MALRD1: variants seen among roughly 807,000 people sequenced by gnomAD.
MALRD1 encodes MAM and LDL-receptor class A domain-containing protein 1.
Under a neutral mutation model 242.1 loss-of-function variants are expected in MALRD1, and 247 were observed. The ratio of observed to expected loss-of-function variants is 1.02; its 90% CI spans 0.92 to 1.13. MALRD1 has a LOEUF of 1.13. Among genes scored for constraint, MALRD1 ranks in the 50% most tolerant of loss-of-function variants. The pLI is 0.00. For missense variants in MALRD1, 2,989 were observed against 2,533.1 expected, an observed-to-expected ratio of 1.18 and a Z score of -3.86; for synonymous variants, 995 against 866.6, an observed-to-expected ratio of 1.15 and a Z score of -2.60.
intron 24 of MALRD1, among the ~76,000 whole-genome samples, chr10:19,344,952 G>A (rs1410973716): frequency 6.6e-6 from 1 of 152,106 alleles, no homozygotes; most frequent in African/African-American, 2.4e-5. Context: ...TTGTCTTCCT[G>A]ATGGCACAGG....
chr10:19,181,442 T>G (rs1247774011), intron 14 of MALRD1, among the ~76,000 whole-genome samples: 1 of 152,124 alleles, frequency 6.6e-6, no homozygotes. Context: ...TGCTATGAAA[T>G]AAGCCAAACA....
At chr10:19,282,561 C>T (rs976568488) in intron 20 of MALRD1, among the ~76,000 whole-genome samples, 1 of 152,036 alleles carries the variant, frequency 6.6e-6, no homozygotes, top group African/African-American at 2.4e-5. Flanking sequence ...AAAATTATTA[C>T]AAGAATCTGT....
intron 28 of MALRD1, among the ~76,000 whole-genome samples, chr10:19,411,100 A>C (rs1472127363): frequency 6.6e-6 from 1 of 152,220 alleles, no homozygotes; most frequent in Non-Finnish European, 1.5e-5. Flanking sequence ...CCATTCTCTT[A>C]GGCAGCAGTA....
chr10:19,633,250 C>CAG (rs746264616), intron 36 of MALRD1, among the ~76,000 whole-genome samples: 8 of 151,778 alleles, frequency 5.3e-5, no homozygotes, highest in South Asian at 2.1e-4. Flanking sequence ...AAAAGAGAGA[C>CAG]AGAGAGAGAG....
chr10:19,241,530 T>A (rs1344477755), intron 18 of MALRD1, among the ~76,000 whole-genome samples: 1 of 152,136 alleles, frequency 6.6e-6, no homozygotes, highest in African/African-American at 2.4e-5. Context: ...TTTTGAAATA[T>A]TTTTTAGTGT....
intron 29 of MALRD1, among the ~76,000 whole-genome samples, chr10:19,470,064 T>C (rs7919278): frequency 0.86 from 130,753 of 151,740 alleles, 56,500 homozygotes; most frequent in East Asian, 1. Context: ...CTTATTTATC[T>C]TGCATAACTG....
chr10:19,536,214 A>G (rs1041141340), intron 32 of MALRD1, among the ~76,000 whole-genome samples: 1 of 152,096 alleles, frequency 6.6e-6, no homozygotes, highest in African/African-American at 2.4e-5. Context: ...AGAGAAGACA[A>G]GCCTTCCTCC....
intron 24 of MALRD1, among the ~76,000 whole-genome samples, chr10:19,345,591 A>G (rs1349534927): frequency 6.6e-6 from 1 of 152,170 alleles, no homozygotes; most frequent in Admixed American, 6.6e-5. Flanking sequence ...ATTTCAAATG[A>G]CATTTGAAAA....
chr10:19,583,138 T>C (rs1837215379), intron 33 of MALRD1, among the ~76,000 whole-genome samples: 1 of 127,126 alleles, frequency 7.9e-6, no homozygotes, highest in Admixed American at 7.9e-5. Context: ...GACGATGGGG[T>C]TTTCTAGATA....
chr10:19,253,581 C>T (rs1041103211), intron 18 of MALRD1, among the ~76,000 whole-genome samples: 8 of 151,922 alleles, frequency 5.3e-5, no homozygotes, highest in Non-Finnish European at 2.9e-5. Context: ...TCTGTATACA[C>T]ATCTTTCACA....
At chr10:19,480,829 CT>C (rs750488529) in intron 29 of MALRD1, among the ~76,000 whole-genome samples, 1 of 151,674 alleles carries the variant, frequency 6.6e-6, no homozygotes, top group African/African-American at 2.4e-5. Flanking sequence ...TCTAAACAGG[CT>C]TTTTTTTGGC....
chr10:19,468,141 G>C (rs1247426980), intron 29 of MALRD1, among the ~76,000 whole-genome samples: 3 of 152,064 alleles, frequency 2.0e-5, no homozygotes, highest in Non-Finnish European at 4.4e-5. Flanking sequence ...TGCACCAAGA[G>C]AACATCCTGT....
intron 18 of MALRD1, among the ~76,000 whole-genome samples, chr10:19,250,998 C>T (rs140484553): frequency 9.1e-4 from 138 of 151,970 alleles, no homozygotes; most frequent in African/African-American, 3.2e-3. Context: ...ACAGCAGAGG[C>T]CTTGATGGGA....
At chr10:19,048,472 T>C (rs1252694986), upstream of MALRD1, among the ~76,000 whole-genome samples, 1 of 152,196 alleles carries the variant, frequency 6.6e-6, no homozygotes, top group Non-Finnish European at 1.5e-5. Context: ...GGGCCTGAAA[T>C]TTTGAATATG....
chr10:19,474,393 T>C (rs533990551), intron 29 of MALRD1, among the ~76,000 whole-genome samples: 93 of 152,160 alleles, frequency 6.1e-4, no homozygotes, highest in Admixed American at 1.4e-3. Flanking sequence ...GTGTCCAAGT[T>C]TTAAAAATCT....
intron 36 of MALRD1, among the ~76,000 whole-genome samples, chr10:19,647,963 A>G (rs961238553): frequency 1.3e-5 from 2 of 152,104 alleles, no homozygotes; most frequent in South Asian, 2.1e-4. Flanking sequence ...GCCTGGGGAT[A>G]ATTTCCCAAT....
chr10:19,125,290 TTTCCTTCC>T (rs202203495), intron 7 of MALRD1, among the ~76,000 whole-genome samples: 3,694 of 68,270 alleles, frequency 0.054, 207 homozygotes, highest in East Asian at 0.14. Context: ...TCTTTCTTTC[TTTCCTTCC>T]TTCCTTCCTT....
intron 39 of MALRD1, among the ~76,000 whole-genome samples, chr10:19,731,209 C>T (rs1021600071): frequency 2.0e-5 from 3 of 152,080 alleles, no homozygotes; most frequent in Non-Finnish European, 4.4e-5. Flanking sequence ...CTAGTGAGGG[C>T]CATTACCTGA....
At chr10:19,729,592 C>T (rs915540483) in intron 38 of MALRD1, among the ~76,000 whole-genome samples, 5 of 144,232 alleles carry the variant, frequency 3.5e-5, no homozygotes, top group African/African-American at 5.1e-5. Context: ...AGGATCCTTT[C>T]GTGTGTGTGT....
Sources: allele counts gnomAD v4.1 joint callset (sites outside exome capture counted in the v4.1 genomes callset), GRCh38; gene constraint gnomAD v4.1.1; transcripts MANE v1.5; gene names NCBI Gene and HGNC (gene_info 2026-07-23, HGNC 2026-07-21).